Variants in TET3 observed in about 807,000 individuals in gnomAD.
TET3 encodes the protein methylcytosine dioxygenase TET3.
In TET3, 19 loss-of-function variants were observed where a neutral mutation model predicts 141.4. The observed-to-expected ratio is 0.13, with a 90% confidence interval of 0.09 to 0.20. The LOEUF (loss-of-function observed/expected upper bound fraction) is 0.20. Ranked by LOEUF, TET3 falls within the 10% of genes least tolerant of loss-of-function variation. The pLI, the probability that TET3 is intolerant of heterozygous loss-of-function variation, is 1.00. For synonymous variants in TET3, 1,043 were observed against 980.9 expected, an observed-to-expected ratio of 1.06 and a Z score of -1.18; for missense variants, 1,874 against 2,356.9, an observed-to-expected ratio of 0.80 and a Z score of 4.24.
At chr2:74,034,586 A>G (rs1452892970) in intron 3 of TET3, among the ~76,000 whole-genome samples, 1 of 151,814 alleles carries the variant, frequency 6.6e-6, no homozygotes, top group Non-Finnish European at 1.5e-5. Flanking sequence ...AAAAAAAAAA[A>G]AAAAAAAACC....
intron 2 of TET3, among the ~76,000 whole-genome samples, chr2:73,987,605 C>T (rs1017375096): frequency 6.6e-6 from 1 of 152,234 alleles, no homozygotes; most frequent in African/African-American, 2.4e-5. Context: ...GGTGTAGCCG[C>T]TGAGGTCGCT....
intron 4 of TET3, among the ~76,000 whole-genome samples, chr2:74,062,772 T>C (rs1294296288): frequency 1.3e-5 from 2 of 152,068 alleles, no homozygotes; most frequent in East Asian, 3.8e-4. Flanking sequence ...GAATTTAAGA[T>C]TGAATAGCAT....
intron 2 of TET3, among the ~76,000 whole-genome samples, chr2:73,989,786 A>G (rs1263051554): frequency 1.3e-5 from 2 of 152,144 alleles, no homozygotes; most frequent in Non-Finnish European, 1.5e-5. Flanking sequence ...AGTACAATGA[A>G]GATGACTGAG....
intron 4 of TET3, among the ~76,000 whole-genome samples, chr2:74,072,225 GT>G (rs1256173422): frequency 6.6e-6 from 1 of 152,180 alleles, no homozygotes; most frequent in Non-Finnish European, 1.5e-5. Flanking sequence ...TTAACAAAAT[GT>G]TTTTGGTGGG....
chr2:74,017,825 G>T (rs570847620), intron 3 of TET3, among the ~76,000 whole-genome samples: 1 of 152,180 alleles, frequency 6.6e-6, no homozygotes, highest in East Asian at 1.9e-4. Context: ...GCTGTTTTCC[G>T]TAATGGCTGT....
Position 74,101,786 on chromosome 2 carries a change from G to A in TET3, c.4998G>A (p.Glu1666=), listed in dbSNP as rs1691235319. 2 of 1,613,122 alleles carry A rather than the reference G, an allele frequency of 1.2e-6. No individual in the cohort carries two copies. The highest frequency in any genetic ancestry group is 1.7e-6 in the Non-Finnish European group (2 of 1,179,866). The change falls in exon 12 of 12, where the codon GAG becomes GAA. Residue 1666 remains glutamate (E), a synonymous_variant. Coordinates refer to ENST00000409262, the MANE Select transcript of TET3 (RefSeq NM_001287491.2). The surrounding 1 kb of genome is among the most constrained non-coding windows in gnomAD (Gnocchi z 8.5). The part of the protein sequence containing the change: ...VAPAHGSILI[E]CARRELHATT... ...CAGCCCACGGCTCCATCCTCATCGA[G>A]TGTGCCCGGCGGGAGCTGCACGCCA...
the TET3 span, among the ~76,000 whole-genome samples, chr2:74,119,170 T>G: frequency 6.0e-4 from 92 of 152,158 alleles, no homozygotes; most frequent in Middle Eastern, 3.4e-3. Flanking sequence ...CTGGCCAACA[T>G]AGTGAAACCC....
At chr2:74,092,413 C>T (rs1690551884) in intron 8 of TET3, among the ~76,000 whole-genome samples, 1 of 152,062 alleles carries the variant, frequency 6.6e-6, no homozygotes, top group South Asian at 2.1e-4. Flanking sequence ...GTCTGTATTC[C>T]TGGCTTATGA....
At chr2:74,031,119 G>A (rs1282132121) in intron 3 of TET3, among the ~76,000 whole-genome samples, 1 of 152,148 alleles carries the variant, frequency 6.6e-6, no homozygotes, top group Non-Finnish European at 1.5e-5. Context: ...GGGGCTGTTG[G>A]TGCAGGCTGA....
intron 5 of TET3, among the ~76,000 whole-genome samples, chr2:74,075,062 G>T (rs1020027139): frequency 3.9e-5 from 6 of 152,034 alleles, no homozygotes; most frequent in African/African-American, 1.4e-4. Context: ...AGTAGAGATG[G>T]GGTTTCACCG....
At chr2:74,108,211 C>T (rs868072884), downstream of TET3, 25 of 153,818 alleles carry the variant, frequency 1.6e-4, no homozygotes, top group African/African-American at 5.5e-4. Context: ...CTTCTTGAAC[C>T]AGGACTGGAA....
chr2:74,005,410 A>G (rs1685102220), intron 3 of TET3, among the ~76,000 whole-genome samples: 1 of 152,244 alleles, frequency 6.6e-6, no homozygotes, highest in Non-Finnish European at 1.5e-5. Context: ...AGGCACTGCC[A>G]GCAAACACTC....
chr2:74,075,354 G>T (rs1689447374), intron 5 of TET3, among the ~76,000 whole-genome samples: 1 of 135,944 alleles, frequency 7.4e-6, no homozygotes, highest in African/African-American at 2.8e-5. Context: ...TTTTGAGACG[G>T]AATCTGCTCT....
the TET3 span, chr2:74,135,441 C>G: frequency 8.2e-7 from 1 of 1,223,764 alleles, no homozygotes; most frequent in Non-Finnish European, 1.2e-6. Flanking sequence ...CTTTAATTAA[C>G]ATCTAAATAG....
chr2:74,129,922 C>T, the TET3 span, among the ~76,000 whole-genome samples: 1 of 151,790 alleles, frequency 6.6e-6, no homozygotes, highest in African/African-American at 2.4e-5. Flanking sequence ...GGTGAAACCC[C>T]ATCTCTACTA....
rs1167510168 is a variant in TET3 at position 74,093,687 on chromosome 2, A to G, written c.3267+21A>G. On this transcript the variant is annotated intron_variant, in intron 10 of 11. Transcript: ENST00000409262. The surrounding 1 kb of genome is among the most constrained non-coding windows in gnomAD (Gnocchi z 4.2). ...CCGTGGTAAGCCTGTGCCCTGTCAT[A>G]GCCCCACCTGTGGGGCAACTGTGGG... 1 of 1,558,580 alleles carries G rather than the reference A, an allele frequency of 6.4e-7. No homozygotes were observed.
In TET3 at chr2:74,093,546, A is replaced by G. The variant is rs769125539; in HGVS notation, c.3147A>G (p.Ile1049Met). 1 of 1,611,748 alleles carries G rather than the reference A, an allele frequency of 6.2e-7. No individual in the cohort carries two copies. ...AYQNQVTNEE[I>M]AIDCRLGLKE... ...CTACACAGGTGACCAACGAGGAAATAGCGATTGACTGCCGTCTGGGGCTGA... is the reference window on the plus strand; with the variant it reads ...CTACACAGGTGACCAACGAGGAAATGGCGATTGACTGCCGTCTGGGGCTGA... The change falls in exon 10 of 12, where the codon ATA becomes ATG. Residue 1049 changes from isoleucine (I) to methionine (M), a missense_variant. Coordinates refer to ENST00000409262, the MANE Select transcript of TET3 (RefSeq NM_001287491.2). The surrounding 1 kb of genome is among the most constrained non-coding windows in gnomAD (Gnocchi z 4.2).
At chr2:74,000,937 ATTGT>A (rs1032705091) in intron 2 of TET3, among the ~76,000 whole-genome samples, 18 of 152,026 alleles carry the variant, frequency 1.2e-4, no homozygotes, top group Admixed American at 1.2e-3. Flanking sequence ...CTTTCCAAGC[ATTGT>A]TTGTCTCTCC....
At chr2:73,995,385 C>A (rs1684542546) in intron 2 of TET3, among the ~76,000 whole-genome samples, 1 of 152,160 alleles carries the variant, frequency 6.6e-6, no homozygotes, top group African/African-American at 2.4e-5. Context: ...GGGGTAAGGT[C>A]TGTGAACTGT....
Sources: allele counts gnomAD v4.1 joint callset (sites outside exome capture counted in the v4.1 genomes callset), GRCh38; gene constraint gnomAD v4.1.1; non-coding constraint Gnocchi (gnomAD v3.1); transcripts MANE v1.5; gene names NCBI Gene and HGNC (gene_info 2026-07-23, HGNC 2026-07-21).